DLAT: variants seen among roughly 807,000 people sequenced by gnomAD.
DLAT encodes dihydrolipoyllysine-residue acetyltransferase component of pyruvate dehydrogenase complex, mitochondrial.
Under a neutral mutation model 68.0 loss-of-function variants are expected in DLAT, and 43 were observed. The ratio of observed to expected loss-of-function variants is 0.63; its 90% CI spans 0.50 to 0.81. DLAT has a LOEUF of 0.81. Ranked by LOEUF, DLAT falls within the 40% of genes least tolerant of loss-of-function variation. DLAT has a pLI of 0.00. For synonymous variants in DLAT, 265 were observed against 288.6 expected (o/e 0.92, Z 0.83); for missense variants, 745 against 815.4 (o/e 0.91, Z 1.05).
chr11:112,033,802 T>G (rs694747), intron 5 of DLAT, among the ~76,000 whole-genome samples: 13 of 152,032 alleles, frequency 8.6e-5, no homozygotes, highest in African/African-American at 2.9e-4. Context: ...ATTGTAGCCT[T>G]GAACTCCTGG....
At chr11:112,046,504 TG>T (rs1308698631) in intron 10 of DLAT, among the ~76,000 whole-genome samples, 1 of 152,096 alleles carries the variant, frequency 6.6e-6, no homozygotes, top group African/African-American at 2.4e-5. Context: ...CTGGGATACA[TG>T]TGCAGAACGT....
intron 11 of DLAT, among the ~76,000 whole-genome samples, chr11:112,058,633 G>T (rs1383534368): frequency 3.1e-5 from 4 of 130,610 alleles, no homozygotes; most frequent in Admixed American, 1.5e-4. Flanking sequence ...GGTGGGGGGG[G>T]GGAATCACCT....
Position 112,043,453 on chromosome 11 carries a change from A to T in DLAT, c.1130-13A>T, listed in dbSNP as rs937144887. The T allele has an allele frequency of 3.1e-6, 5 of 1,610,838 alleles. No homozygotes were observed. Among genetic ancestry groups the T allele is most frequent in the Non-Finnish European group, 4.2e-6 (5 of 1,176,990 alleles). ...GTATGTCATCATGTATGTGATATTT[A>T]TGTCTCTTACAGGGACAGGACCAGA... is the stretch of plus-strand genomic sequence containing the variant. On this transcript the variant is annotated splice_polypyrimidine_tract_variant and intron_variant, in intron 7 of 13. Transcript: ENST00000280346.
In DLAT at chr11:112,050,365, C is replaced by G. The variant is rs587610516; in HGVS notation, c.1399-869C>G. Among the ~76,000 whole-genome samples, 3 of 149,406 alleles carry G rather than the reference C, an allele frequency of 2.0e-5. No homozygotes were observed. The South Asian group carries it at 6.4e-4, about 32-fold the overall frequency. Reference sequence around the variant, plus strand: ...CTAATGTCGTCTTTGGTTTTGGTATCAGGCTAATCCCGGCCTTACAGAATG... The same window carrying G: ...CTAATGTCGTCTTTGGTTTTGGTATGAGGCTAATCCCGGCCTTACAGAATG... On this transcript the variant is annotated intron_variant, in intron 10 of 13. Coordinates refer to ENST00000280346, the MANE Select transcript of DLAT (RefSeq NM_001931.5).
intron 10 of DLAT, among the ~76,000 whole-genome samples, chr11:112,050,322 C>CTTT (rs781892275): frequency 7.1e-6 from 1 of 140,572 alleles, no homozygotes; most frequent in Non-Finnish European, 1.6e-5. Flanking sequence ...TTAGTGTGTA[C>CTTT]TTTTTTTTTT....
intron 11 of DLAT, among the ~76,000 whole-genome samples, chr11:112,055,549 C>T (rs1278922185): frequency 2.0e-5 from 3 of 151,746 alleles, no homozygotes; most frequent in African/African-American, 7.3e-5. Flanking sequence ...CGGCCAAGGC[C>T]TATATTCAAC....
In DLAT at chr11:112,031,206, A is replaced by G. The variant is rs183791586; in HGVS notation, c.661-2198A>G. Among the ~76,000 whole-genome samples the G allele has an allele frequency of 1.9e-3, 286 of 152,290 alleles. 1 individual carries two copies. The highest frequency in any genetic ancestry group is 3.3e-3 in the Non-Finnish European group (223 of 68,018). On this transcript the variant is annotated intron_variant, in intron 4 of 13. Coordinates refer to ENST00000280346, the MANE Select transcript of DLAT (RefSeq NM_001931.5). ...TTTCCCCTCTCTGGAAACATCTTCA[A>G]TTGAAGTTATTTTCCTCTCCGCATA...
Position 112,044,974 on chromosome 11 carries a change from G to A in DLAT, c.1198-164G>A, listed in dbSNP as rs185454554. Reference sequence around the variant, plus strand: ...TGCTTGAGCCCAGGAGGTTGAGGCTGCAGTGAACCATGATTGAGCCACTGC... The same window carrying A: ...TGCTTGAGCCCAGGAGGTTGAGGCTACAGTGAACCATGATTGAGCCACTGC... On this transcript the variant is annotated intron_variant, in intron 8 of 13. Coordinates refer to ENST00000280346, the MANE Select transcript of DLAT (RefSeq NM_001931.5). 4.3e-3 allele frequency among the ~76,000 whole-genome samples: 646 copies of A among 151,916 alleles called. 2 individuals carry two copies. Among genetic ancestry groups the A allele is most frequent in the African/African-American group, 0.014 (594 of 41,430 alleles).
intron 11 of DLAT, among the ~76,000 whole-genome samples, chr11:112,057,668 A>G (rs1416268255): frequency 6.6e-6 from 1 of 152,232 alleles, no homozygotes; most frequent in African/African-American, 2.4e-5. Context: ...GCCGCGTAAC[A>G]GAAGTTTGAG....
chr11:112,029,829 T>A (rs587705928), intron 4 of DLAT: 2 of 586,848 alleles, frequency 3.4e-6, no homozygotes, highest in East Asian at 4.4e-5. Flanking sequence ...TCAGTCTTGG[T>A]CTGGACTACA....
rs782527135 is a variant in DLAT, at chr11:112,037,459, C to T, written c.974C>T (p.Pro325Leu). 46 of 1,613,812 alleles carry T rather than the reference C, an allele frequency of 2.9e-5. No individual in the cohort carries two copies. Among genetic ancestry groups the T allele is most frequent in the Middle Eastern group, 1.7e-4 (1 of 6,060 alleles). ...KPQVPPPTPP[P>L]VAAVPPTPQP... Reference sequence around the variant, plus strand: ...CAAGTGCCACCACCTACCCCACCCCCGGTAGGTATGCTTCTAGAATTCAGG... The same window carrying T: ...CAAGTGCCACCACCTACCCCACCCCTGGTAGGTATGCTTCTAGAATTCAGG... The change falls in exon 6 of 14, where the codon CCG (proline) becomes CTG (leucine). Residue 325 changes from proline to leucine, a missense_variant and splice_region_variant. Physicochemically the swap from Pro to Leu is moderately conservative, Grantham distance 98. Transcript: ENST00000280346.
intron 9 of DLAT, among the ~76,000 whole-genome samples, chr11:112,045,648 A>ACC (rs761801486): frequency 1.2e-3 from 183 of 150,716 alleles, no homozygotes; most frequent in Non-Finnish European, 2.3e-3. Flanking sequence ...AGATCGCACC[A>ACC]CCGCACTCCA....
Position 112,043,548 on chromosome 11 carries a change from G to A in DLAT, c.1197+15G>A. On this transcript the variant is annotated intron_variant, in intron 8 of 13. Coordinates refer to ENST00000280346, the MANE Select transcript of DLAT (RefSeq NM_001931.5). ...AAGTTGCTCCTGTGAGTTATGTGTAGCTCTTACTTTTTTTGCAGTTTGTCT... is the reference window on the plus strand; with the variant it reads ...AAGTTGCTCCTGTGAGTTATGTGTAACTCTTACTTTTTTTGCAGTTTGTCT... The A allele has an allele frequency of 6.2e-7, 1 of 1,612,310 alleles. No homozygotes were observed. Among genetic ancestry groups the A allele is most frequent in the Non-Finnish European group, 8.5e-7 (1 of 1,178,406 alleles).
chr11:112,045,797 CAG>C, intron 9 of DLAT, 64 bp from the exon 10 acceptor site: 1 of 974,584 alleles, frequency 1.0e-6, no homozygotes, highest in Non-Finnish European at 1.6e-6. Flanking sequence ...AAGAGACAAA[CAG>C]AGCCCTAAAT....
rs1555182016 is a variant in DLAT at position 112,051,735 on chromosome 11, T to G, written c.1514+386T>G. On this transcript the variant is annotated intron_variant, in intron 11 of 13. Coordinates refer to ENST00000280346, the MANE Select transcript of DLAT (RefSeq NM_001931.5). This position sits in a 1 kb window ranked among gnomAD's most constrained non-coding sequence, Gnocchi z 4.3. The stretch of plus-strand genomic sequence containing the variant: ...AGCCTGCGATATTGCTGGATTTAGC[T>G]AGTAAAGGCTATAGATTCTTTGTAT... Among the ~76,000 whole-genome samples, 1 of 152,144 alleles carries G rather than the reference T, an allele frequency of 6.6e-6. No homozygotes were observed. The highest frequency in any genetic ancestry group is 1.9e-4 in the East Asian group (1 of 5,198).
chr11:112,032,248 A>G (rs1238239217), intron 4 of DLAT, among the ~76,000 whole-genome samples: 1 of 151,610 alleles, frequency 6.6e-6, no homozygotes, highest in Admixed American at 6.6e-5. Flanking sequence ...GCTGGGCAAC[A>G]GAGTAAGACT....
At chr11:112,044,191 G>A (rs1555181240) in intron 8 of DLAT, among the ~76,000 whole-genome samples, 1 of 151,868 alleles carries the variant, frequency 6.6e-6, no homozygotes, top group East Asian at 1.9e-4. Flanking sequence ...TTTGGTGTTT[G>A]GTTTTTTTTG....
At position 112,062,932 on chromosome 11, in the gene DLAT, A is replaced by T; in HGVS notation, c.*397A>T. On this transcript the variant is annotated 3_prime_UTR_variant, in exon 14 of 14. Transcript: ENST00000280346. ...TAACTGCCTAAAATGTTCTCCTTAGATGTGAGAGAAAGAGAAATCAGAAAA... is the reference window on the plus strand; with the variant it reads ...TAACTGCCTAAAATGTTCTCCTTAGTTGTGAGAGAAAGAGAAATCAGAAAA... 5.5e-6 allele frequency: 1 copy of T among 180,282 alleles called. No individual in the cohort carries two copies. Among genetic ancestry groups the T allele is most frequent in the Non-Finnish European group, 1.2e-5 (1 of 84,298 alleles). The allele number at this position is 180,282 out of a possible 1,614,324, so 11.2% of individuals were successfully genotyped here.
chr11:112,042,689 G>A (rs1863107639), intron 7 of DLAT, among the ~76,000 whole-genome samples: 1 of 152,172 alleles, frequency 6.6e-6, no homozygotes, highest in African/African-American at 2.4e-5. Flanking sequence ...TTAAACCTAA[G>A]AGGCTGTAGG....
Sources: allele counts gnomAD v4.1 joint callset (sites outside exome capture counted in the v4.1 genomes callset), GRCh38; gene constraint gnomAD v4.1.1; non-coding constraint Gnocchi (gnomAD v3.1); transcripts MANE v1.5; gene names NCBI Gene and HGNC (gene_info 2026-07-23, HGNC 2026-07-21).